TOGARAM1: variants seen among roughly 807,000 people sequenced by gnomAD.
The protein encoded by TOGARAM1 is TOG array regulator of axonemal microtubules 1.
TOGARAM1 carries 100 observed loss-of-function variants against 166.6 expected under a neutral mutation model. The ratio of observed to expected loss-of-function variants is 0.60; its 90% CI spans 0.51 to 0.71. The LOEUF is 0.71. Among genes scored for constraint, TOGARAM1 ranks in the 30% least tolerant of loss-of-function variants. The pLI is 0.00. For missense variants in TOGARAM1, 2,029 were observed against 2,102.7 expected (o/e 0.96, Z 0.69); for synonymous variants, 758 against 763.8 (o/e 0.99, Z 0.13).
chr14:45,045,215 T>C (rs564497945), intron 13 of TOGARAM1, among the ~76,000 whole-genome samples: 1 of 151,870 alleles, frequency 6.6e-6, no homozygotes, highest in Non-Finnish European at 1.5e-5. Context: ...TTTTGTTACA[T>C]GGGTGAATTG....
chr14:45,060,118 C>T (rs1298404942), intron 16 of TOGARAM1, among the ~76,000 whole-genome samples: 1 of 151,128 alleles, frequency 6.6e-6, no homozygotes, highest in Non-Finnish European at 1.5e-5. Context: ...TGGGGTTTCA[C>T]CGTGTTAGCC....
chr14:45,000,571 T>C (rs1887650123), intron 3 of TOGARAM1, among the ~76,000 whole-genome samples: 1 of 152,208 alleles, frequency 6.6e-6, no homozygotes, highest in East Asian at 1.9e-4. Context: ...CCATTGTGTA[T>C]ATGTACCACA....
rs1325414573 is a variant in TOGARAM1, at chr14:45,066,633, G to T, written c.4615G>T (p.Glu1539Ter). The T allele has an allele frequency of 6.2e-7, 1 of 1,613,452 alleles. No individual in the cohort carries two copies. Among genetic ancestry groups the T allele is most frequent in the Non-Finnish European group, 8.5e-7 (1 of 1,179,524 alleles). The change falls in exon 17 of 20, where the codon GAA becomes TAA. Residue 1539 changes from glutamate (E) to a stop codon, truncating the protein, a stop_gained. Transcript: ENST00000361462. LOFTEE classifies it high-confidence loss of function. ...TRKSVPRNSL[E>*]SAEYLKLITG... ...AAAATCAGTCCCTCGTAATTCCTTA[G>T]AAAGTGCTGAGTACCTTAAACTCAT...
chr14:45,037,910 G>A (rs1881518213), intron 11 of TOGARAM1, among the ~76,000 whole-genome samples: 1 of 151,630 alleles, frequency 6.6e-6, no homozygotes, highest in Non-Finnish European at 1.5e-5. Context: ...CCCAGCTACT[G>A]GGGAGGCTGA....
At chr14:44,995,705 A>T in intron 1 of TOGARAM1, 41 bp from the exon 2 acceptor site, 1 of 1,390,806 alleles carries the variant, frequency 7.2e-7, no homozygotes. Context: ...TACCAGGAAG[A>T]ATTAACACAA....
chr14:44,990,631 C>T (rs1887071779), intron 1 of TOGARAM1, among the ~76,000 whole-genome samples: 1 of 152,090 alleles, frequency 6.6e-6, no homozygotes, highest in Non-Finnish European at 1.5e-5. Context: ...CTGGTTCTTC[C>T]TTGATTCAGC....
chr14:44,987,866 C>A (rs1886921758), intron 1 of TOGARAM1, among the ~76,000 whole-genome samples: 1 of 149,106 alleles, frequency 6.7e-6, no homozygotes, highest in African/African-American at 2.5e-5. Flanking sequence ...AAATGTCCAA[C>A]AATGATAGAC....
chr14:45,046,841 T>C (rs1882090511), intron 14 of TOGARAM1, 138 bp downstream of exon 14: 1 of 642,624 alleles, frequency 1.6e-6, no homozygotes, highest in African/African-American at 1.9e-5. Context: ...GGGATGGTCT[T>C]ATTTAACCAG....
In TOGARAM1 at chr14:45,004,219, C is replaced by G; in HGVS notation, c.2497C>G (p.Leu833Val). The change falls in exon 4 of 20, where the codon CTT (leucine) becomes GTT (valine). Residue 833 changes from leucine (L) to valine (V), a missense_variant. Physicochemically the swap from Leu to Val is conservative, Grantham distance 32. Coordinates refer to ENST00000361462, the MANE Select transcript of TOGARAM1 (RefSeq NM_001308120.2). ...AACTAGTCCAAAGCATACATCTCCTCTTATTATATCTCCAAAGAAGTCTCA... is the reference window on the plus strand; with the variant it reads ...AACTAGTCCAAAGCATACATCTCCTGTTATTATATCTCCAAAGAAGTCTCA... ...PRTSPKHTSP[L>V]IISPKKSQDN... 1 of 1,614,056 alleles carries G rather than the reference C, an allele frequency of 6.2e-7. No individual in the cohort carries two copies. The highest frequency in any genetic ancestry group is 8.5e-7 in the Non-Finnish European group (1 of 1,179,998).
intron 6 of TOGARAM1, among the ~76,000 whole-genome samples, chr14:45,010,970 A>T (rs1386635980): frequency 1.3e-5 from 2 of 152,222 alleles, no homozygotes; most frequent in Non-Finnish European, 2.9e-5. Context: ...GTCCACTGAC[A>T]AATATATTTC....
chr14:45,071,068 C>T (rs1167284149), intron 18 of TOGARAM1, among the ~76,000 whole-genome samples: 2 of 151,960 alleles, frequency 1.3e-5, no homozygotes, highest in South Asian at 2.1e-4. Context: ...ATTACAGGCA[C>T]GCACCACCAC....
At chr14:45,014,198 A>G (rs1353065783) in intron 7 of TOGARAM1, among the ~76,000 whole-genome samples, 6 of 151,982 alleles carry the variant, frequency 3.9e-5, no homozygotes, top group African/African-American at 1.4e-4. Flanking sequence ...GGCGCCTGCC[A>G]CTACGCCTGG....
At chr14:44,988,404 A>C (rs1055282542) in intron 1 of TOGARAM1, among the ~76,000 whole-genome samples, 2 of 152,214 alleles carry the variant, frequency 1.3e-5, no homozygotes, top group South Asian at 4.1e-4. Flanking sequence ...TAGACAGTAT[A>C]TATCAATTTG....
intron 7 of TOGARAM1, among the ~76,000 whole-genome samples, chr14:45,013,894 A>G (rs1200309836): frequency 6.6e-6 from 1 of 152,184 alleles, no homozygotes; most frequent in Non-Finnish European, 1.5e-5. Context: ...GAAATGGAAA[A>G]TAATAGATTT....
chr14:45,037,866 A>G (rs1460519305), intron 11 of TOGARAM1, among the ~76,000 whole-genome samples: 1 of 150,770 alleles, frequency 6.6e-6, no homozygotes, highest in Non-Finnish European at 1.5e-5. Flanking sequence ...TCTCTACTAA[A>G]AAAAAAAAAA....
chr14:45,045,671 GTATATATATACACATATATACACA>G (rs1566660982), intron 13 of TOGARAM1, among the ~76,000 whole-genome samples: 3 of 79,762 alleles, frequency 3.8e-5, no homozygotes, highest in Non-Finnish European at 6.5e-5. Flanking sequence ...ATATATATGT[GTATATATATACACATATATACACA>G]TATATATGTG....
Position 45,073,597 on chromosome 14 carries a change from T to C in TOGARAM1, c.*36T>C. 6.4e-7 allele frequency: 1 copy of C among 1,572,254 alleles called. No individual in the cohort carries two copies. The highest frequency in any genetic ancestry group is 2.3e-5 in the East Asian group (1 of 44,354). ...AAATACTGTATGATGAACAAAAGTG[T>C]TTACATGATGACAAATGGAACTTTC... On this transcript the variant is annotated 3_prime_UTR_variant, in exon 20 of 20. Transcript: ENST00000361462.
In TOGARAM1 at chr14:44,963,969, C is replaced by T. The variant is rs1885372670; in HGVS notation, c.1548C>T (p.Ala516=). The T allele has an allele frequency of 6.2e-7, 1 of 1,614,022 alleles. No homozygotes were observed. Among genetic ancestry groups the T allele is most frequent in the South Asian group, 1.1e-5 (1 of 91,090 alleles). Residue 516 remains alanine (A), a synonymous_variant, in exon 1 of 20, where the codon GCC becomes GCT. Coordinates refer to ENST00000361462, the MANE Select transcript of TOGARAM1 (RefSeq NM_001308120.2). Reference sequence around the variant, plus strand: ...TGCCCAAACTGTCCTTTGATCTTGCCCCAGCTCTTGTAGATAGCAAACGCA... The same window carrying T: ...TGCCCAAACTGTCCTTTGATCTTGCTCCAGCTCTTGTAGATAGCAAACGCA... ...FDLPKLSFDL[A]PALVDSKRRV... is the part of the protein sequence containing the mutation.
intron 7 of TOGARAM1, among the ~76,000 whole-genome samples, chr14:45,019,718 C>A (rs939035551): frequency 6.6e-6 from 1 of 152,160 alleles, no homozygotes; most frequent in African/African-American, 2.4e-5. Context: ...AGCTAAGTTG[C>A]AAGCCCCGTG....
Sources: gnomAD v4.1 joint callset for allele counts (sites outside exome capture counted in the v4.1 genomes callset) on GRCh38, gnomAD v4.1.1 for gene constraint, MANE v1.5 for transcripts, NCBI Gene and HGNC (gene_info 2026-07-23, HGNC 2026-07-21) for gene names.